The following MCM6 variants were observed in gnomAD, a reference collection of about 807,000 sequenced individuals.
The protein encoded by MCM6 is DNA replication licensing factor MCM6.
A neutral mutation model predicts 94.3 loss-of-function variants in MCM6; 46 were observed. The ratio of observed to expected loss-of-function variants is 0.49; its 90% CI spans 0.39 to 0.62. The LOEUF is 0.62. Ranked by LOEUF, MCM6 falls within the 20% of genes least tolerant of loss-of-function variation. MCM6 has a pLI of 0.00. For missense variants in MCM6, 865 were observed against 1,017.9 expected (o/e 0.85, Z 2.04); for synonymous variants, 335 against 351.9 (o/e 0.95, Z 0.54).
intron 7 of MCM6, among the ~76,000 whole-genome samples, chr2:135,864,380 C>T (rs1680051112): frequency 6.6e-6 from 1 of 152,048 alleles, no homozygotes. Flanking sequence ...ACCTGTAATC[C>T]CAGCTACTGG....
Position 135,862,527 on chromosome 2 carries a change from T to G in MCM6, c.1220+80A>C, listed in dbSNP as rs1680015299. ...ATTTACACTCCTAGTAAGGCCATAC[T>G]GACTGCATTCTTGGTAGCACAGCCA... On this transcript the variant is annotated intron_variant, in intron 8 of 16. Coordinates refer to ENST00000264156, the MANE Select transcript of MCM6 (RefSeq NM_005915.6). The G allele has an allele frequency of 2.7e-6, 4 of 1,479,820 alleles. No individual in the cohort carries two copies. In the Admixed American group the frequency reaches 6.9e-5, roughly 26 times the overall value. The allele number at this position is 1,479,820 out of a possible 1,614,324, so 91.7% of individuals were successfully genotyped here. A position where few individuals can be genotyped will look rare whatever the true frequency, so the allele number is the denominator to read the frequency against.
At position 135,866,594 on chromosome 2, in the gene MCM6, A is replaced by G. The variant is rs1298355114; in HGVS notation, c.750T>C (p.Val250=). 6.2e-7 allele frequency: 1 copy of G among 1,613,630 alleles called. No homozygotes were observed. The highest frequency in any genetic ancestry group is 1.7e-5 in the Admixed American group (1 of 59,830). Residue 250 remains valine, a synonymous_variant, in exon 5 of 17, where the codon GTT becomes GTC. Coordinates refer to ENST00000264156, the MANE Select transcript of MCM6 (RefSeq NM_005915.6). ...DKCDFTGTLI[V]VPDVSKLSTP... The stretch of plus-strand genomic sequence containing the variant: ...TGCTAAGCTTGGAGACGTCAGGCAC[A>G]ACAATCAGTGTCCCTGTAAAGTCAC...
chr2:135,866,512 T>C (rs781641476), intron 5 of MCM6, 51 bp downstream of exon 5: 1 of 1,558,718 alleles, frequency 6.4e-7, no homozygotes, highest in Non-Finnish European at 8.7e-7. Context: ...CTAGATACTG[T>C]GCAGTTTAGG....
At chr2:135,848,978 A>T (rs1679718128) in intron 13 of MCM6, among the ~76,000 whole-genome samples, 1 of 152,246 alleles carries the variant, frequency 6.6e-6, no homozygotes, top group African/African-American at 2.4e-5. Context: ...CAAACATGAT[A>T]AAATATCAAG....
chr2:135,870,289 A>T lies in MCM6; in HGVS notation c.327T>A (p.Asp109Glu), dbSNP rs760949511. Residue 109 changes from aspartate to glutamate, a missense_variant, in exon 3 of 17, where the codon GAT becomes GAA. Asp to Glu is a conservative substitution (Grantham distance 45). Around this residue, in one of 3 missense-constraint regions of MCM6, gnomAD observed 404 missense variants for 451.9 expected, o/e 0.89. Coordinates refer to ENST00000264156, the MANE Select transcript of MCM6 (RefSeq NM_005915.6). ...KDRKEIPLAK[D>E]FYVAFQDLPT... ...GCAGGTCTTGGAATGCAACATAAAA[A>T]TCCTTGGCAAGAGGGATCTCTTTAC... 1 of 1,613,990 alleles carries T rather than the reference A, an allele frequency of 6.2e-7. No homozygotes were observed. Among genetic ancestry groups the T allele is most frequent in the East Asian group, 2.2e-5 (1 of 44,874 alleles).
Position 135,851,452 on chromosome 2 carries a change from T to C in MCM6, c.1867A>G (p.Ser623Gly). ...ATAGCTTCAGAGAGACGAATCATGCTCTCAAGCTGTCGCACTGTAATCCTC... is the reference window on the plus strand; with the variant it reads ...ATAGCTTCAGAGAGACGAATCATGCCCTCAAGCTGTCGCACTGTAATCCTC... ...SWRITVRQLESMIRLSEAMAR... is the reference protein window; with the variant it reads ...SWRITVRQLEGMIRLSEAMAR... The change falls in exon 13 of 17, where the codon AGC becomes GGC. Residue 623 changes from serine (S) to glycine (G), a missense_variant. Ser to Gly is a moderately conservative substitution (Grantham distance 56). Transcript: ENST00000264156. 3.7e-6 allele frequency: 6 copies of C among 1,613,854 alleles called. No homozygotes were observed. The highest frequency in any genetic ancestry group is 5.1e-6 in the Non-Finnish European group (6 of 1,179,914).
chr2:135,853,610 T>A (rs141627424), intron 11 of MCM6, among the ~76,000 whole-genome samples: 49 of 152,202 alleles, frequency 3.2e-4, no homozygotes, highest in African/African-American at 1.2e-3. Flanking sequence ...AATTGAGGCC[T>A]AGGAAGGTTA....
chr2:135,849,709 T>G (rs1419493081), intron 13 of MCM6, among the ~76,000 whole-genome samples: 1 of 152,136 alleles, frequency 6.6e-6, no homozygotes, highest in Admixed American at 6.5e-5. Flanking sequence ...AAGGAGATCC[T>G]AACACACACA....
At chr2:135,846,455 T>C (rs1454678656) in intron 14 of MCM6, 63 bp from the exon 15 acceptor site, 2 of 1,319,490 alleles carry the variant, frequency 1.5e-6, no homozygotes, top group Admixed American at 3.5e-5. Flanking sequence ...TTGTCAAGCA[T>C]TTACAAATAC....
intron 7 of MCM6, among the ~76,000 whole-genome samples, chr2:135,863,474 C>T (rs138471828): frequency 4.1e-4 from 62 of 152,188 alleles, no homozygotes; most frequent in East Asian, 3.1e-3. Context: ...CTGGAAGATC[C>T]GAGCACTTTG....
rs929927745 is a variant in MCM6, at chr2:135,856,984, C to T, written c.1471-101G>A. 5 of 1,046,018 alleles carry T rather than the reference C, an allele frequency of 4.8e-6. No individual in the cohort carries two copies. In the Admixed American group the frequency reaches 8.6e-5, roughly 18 times the overall value. 64.8% of individuals were successfully genotyped at this position (1,046,018 alleles called of 1,614,324 possible). ...CACCCATAATTAACTAAACACAAAC[C>T]AAAATAATGACATACCCTTTTTCAC... On this transcript the variant is annotated intron_variant, in intron 10 of 16. Transcript: ENST00000264156.
intron 11 of MCM6, among the ~76,000 whole-genome samples, chr2:135,855,358 GAACCAAACCAAACCA>G (rs4988223): frequency 7.2e-5 from 11 of 151,968 alleles, no homozygotes; most frequent in Non-Finnish European, 1.3e-4. Context: ...GAAAAAAAGT[GAACCAAACCAAACCA>G]AACCAAACCA....
chr2:135,872,372 C>T (rs112551812), intron 2 of MCM6, among the ~76,000 whole-genome samples: 48 of 152,120 alleles, frequency 3.2e-4, no homozygotes, highest in Non-Finnish European at 6.0e-4. Context: ...CGCTTGAACC[C>T]GGGAGGCAGA....
intron 1 of MCM6, among the ~76,000 whole-genome samples, chr2:135,873,481 C>A (rs190338684): frequency 1.3e-5 from 2 of 152,310 alleles, no homozygotes; most frequent in Non-Finnish European, 2.9e-5. Flanking sequence ...GAAACAGGCA[C>A]ACTAAATAAA....
chr2:135,859,197 A>G, intron 9 of MCM6, 104 bp downstream of exon 9: 1 of 959,032 alleles, frequency 1.0e-6, no homozygotes, highest in Non-Finnish European at 1.5e-6. Flanking sequence ...CCAGCTGAGA[A>G]TGCTGTTTTT....
chr2:135,849,690 A>G (rs1364350222), intron 13 of MCM6, among the ~76,000 whole-genome samples: 3 of 152,222 alleles, frequency 2.0e-5, no homozygotes, highest in African/African-American at 4.8e-5. Flanking sequence ...AACAGAATGG[A>G]AAGTCCAAAA....
At chr2:135,852,696 C>A in intron 12 of MCM6, 91 bp downstream of exon 12, 1 of 918,886 alleles carries the variant, frequency 1.1e-6, no homozygotes, top group Admixed American at 3.6e-5. Context: ...AGGTAGATGA[C>A]AGGTTCAGTT....
At chr2:135,853,277 C>A (rs1223089984) in intron 11 of MCM6, among the ~76,000 whole-genome samples, 1 of 152,084 alleles carries the variant, frequency 6.6e-6, no homozygotes, top group Admixed American at 6.6e-5. Context: ...TGAGACCCTC[C>A]CTGTCTCTAC....
intron 13 of MCM6, among the ~76,000 whole-genome samples, chr2:135,850,379 G>A (rs928670085): frequency 2.3e-5 from 3 of 132,350 alleles, no homozygotes; most frequent in Non-Finnish European, 3.2e-5. Flanking sequence ...TGGGGATTTA[G>A]TATATAGATT....
Sources: allele counts gnomAD v4.1 joint callset (sites outside exome capture counted in the v4.1 genomes callset), GRCh38; gene constraint gnomAD v4.1.1; regional missense constraint gnomAD v4.1.1; transcripts MANE v1.5; gene names NCBI Gene and HGNC (gene_info 2026-07-23, HGNC 2026-07-21).